CADM2: variants seen among roughly 807,000 people sequenced by gnomAD.
CADM2 encodes cell adhesion molecule 2, also known as immunoglobulin superfamily member 4D.
In CADM2, 12 loss-of-function variants were observed where a neutral mutation model predicts 49.8. The ratio of observed to expected loss-of-function variants is 0.24; its 90% CI spans 0.15 to 0.39. CADM2 has a LOEUF of 0.39. Among genes scored for constraint, CADM2 ranks in the 10% least tolerant of loss-of-function variants. CADM2 has a pLI of 1.00. For missense variants in CADM2, 378 were observed against 492.3 expected, an observed-to-expected ratio of 0.77 and a Z score of 2.20; for synonymous variants, 214 against 175.4, an observed-to-expected ratio of 1.22 and a Z score of -1.74.
intron 1 of CADM2, among the ~76,000 whole-genome samples, chr3:85,263,573 A>G (rs1576236791): frequency 6.6e-6 from 1 of 152,162 alleles, no homozygotes. Flanking sequence ...TTGTAGGATG[A>G]AAACACATCT....
chr3:86,018,050 C>T (rs1323105644), intron 8 of CADM2, among the ~76,000 whole-genome samples: 1 of 116,494 alleles, frequency 8.6e-6, no homozygotes, highest in Non-Finnish European at 1.8e-5. Flanking sequence ...ACAACAGTCC[C>T]CAGAGTGTGA....
At chr3:85,434,955 C>T (rs2036857898) in intron 1 of CADM2, among the ~76,000 whole-genome samples, 1 of 152,044 alleles carries the variant, frequency 6.6e-6, no homozygotes, top group South Asian at 2.1e-4. Flanking sequence ...ATGATTGTTG[C>T]TAACTAGTCA....
At chr3:85,990,543 T>C (rs980185690) in intron 8 of CADM2, among the ~76,000 whole-genome samples, 16 of 152,216 alleles carry the variant, frequency 1.1e-4, no homozygotes, top group African/African-American at 3.6e-4. Context: ...GGACGCATTA[T>C]GGAACTTGAT....
rs184379615 is a variant in CADM2, at chr3:85,760,352, G to A, written c.88+33804G>A. Among the ~76,000 whole-genome samples, 849 of 142,102 alleles carry A rather than the reference G, an allele frequency of 6.0e-3. 21 individuals are homozygous for A. Among genetic ancestry groups the A allele is most frequent in the Non-Finnish European group, 3.2e-3 (204 of 64,478 alleles). The allele number at this position is 142,102 out of a possible 152,430, so 93.2% of individuals were successfully genotyped here. A position where few individuals can be genotyped will look rare whatever the true frequency, so the allele number is the denominator to read the frequency against. ...AGATGGATACTTCTTTTTTTTTTTC[G>A]TTTAAGAAAATCATTTTATCTGAGC... On this transcript the variant is annotated intron_variant, in intron 2 of 9. Coordinates refer to ENST00000383699, the MANE Select transcript of CADM2 (RefSeq NM_001167675.2).
chr3:85,817,155 T>G (rs1174296166), intron 3 of CADM2, among the ~76,000 whole-genome samples: 1 of 152,180 alleles, frequency 6.6e-6, no homozygotes. Flanking sequence ...GTTATTTTAG[T>G]ACCAAAGTGT....
intron 1 of CADM2, among the ~76,000 whole-genome samples, chr3:84,973,387 T>C (rs1403767999): frequency 6.6e-6 from 1 of 152,200 alleles, no homozygotes; most frequent in Non-Finnish European, 1.5e-5. Context: ...AGAGCTCTCA[T>C]TTCCTCCAGT....
At chr3:85,917,414 T>C (rs1003719796) in intron 6 of CADM2, among the ~76,000 whole-genome samples, 22 of 138,780 alleles carry the variant, frequency 1.6e-4, no homozygotes, top group Non-Finnish European at 3.6e-4. Flanking sequence ...GCACCATTTA[T>C]TAAATAGGGA....
intron 8 of CADM2, among the ~76,000 whole-genome samples, chr3:86,064,101 A>G (rs143909933): frequency 6.6e-6 from 1 of 151,976 alleles, no homozygotes; most frequent in East Asian, 1.9e-4. Context: ...ACATGTGCAC[A>G]ATGTGCAGGT....
intron 3 of CADM2, among the ~76,000 whole-genome samples, chr3:85,869,759 C>T (rs139505558): frequency 2.0e-3 from 299 of 152,118 alleles, no homozygotes; most frequent in Non-Finnish European, 3.7e-3. Flanking sequence ...CCTGGGTTCA[C>T]GCCATTCTCT....
At chr3:85,083,698 C>T (rs2037260869) in intron 1 of CADM2, among the ~76,000 whole-genome samples, 1 of 152,016 alleles carries the variant, frequency 6.6e-6, no homozygotes, top group Non-Finnish European at 1.5e-5. Context: ...TCTCTAACTC[C>T]AGAAAATATT....
intron 2 of CADM2, among the ~76,000 whole-genome samples, chr3:85,760,239 G>A (rs2069308335): frequency 6.6e-6 from 1 of 151,920 alleles, no homozygotes; most frequent in Non-Finnish European, 1.5e-5. Context: ...TAGTTGTTAT[G>A]TTCAAAATTC....
At chr3:85,568,473 C>CTTTCTCTCTTTCTTTCTTTCTT (rs1553743643) in intron 1 of CADM2, among the ~76,000 whole-genome samples, 3 of 27,618 alleles carry the variant, frequency 1.1e-4, no homozygotes, top group African/African-American at 2.3e-4. Context: ...CTCTTTCTCT[C>CTTTCTCTCTTTCTTTCTTTCTT]TCTTTCTTTC....
At chr3:85,265,799 T>C (rs2043109705) in intron 1 of CADM2, among the ~76,000 whole-genome samples, 1 of 152,048 alleles carries the variant, frequency 6.6e-6, no homozygotes, top group South Asian at 2.1e-4. Context: ...TAGAACACTT[T>C]AAAACTTTAA....
intron 3 of CADM2, among the ~76,000 whole-genome samples, chr3:85,813,101 T>A (rs2072986837): frequency 1.3e-5 from 2 of 152,208 alleles, no homozygotes. Context: ...TATTTCTAGT[T>A]CTAGATCCTT....
intron 6 of CADM2, among the ~76,000 whole-genome samples, chr3:85,924,592 A>AAAATAAAAAAAT: frequency 6.8e-6 from 1 of 146,292 alleles, no homozygotes. Flanking sequence ...ACAACATCTA[A>AAAATAAAAAAAT]AAATAAATAA....
intron 3 of CADM2, among the ~76,000 whole-genome samples, chr3:85,857,940 G>A (rs893332838): frequency 1.3e-5 from 2 of 152,100 alleles, no homozygotes; most frequent in Non-Finnish European, 2.9e-5. Flanking sequence ...CCCTTATTTT[G>A]GGTGACTGCA....
intron 3 of CADM2, among the ~76,000 whole-genome samples, chr3:85,808,599 A>G (rs1384858137): frequency 3.9e-5 from 6 of 152,198 alleles, no homozygotes; most frequent in Non-Finnish European, 7.4e-5. Flanking sequence ...AAGCATCTCC[A>G]GGAGCCCATA....
chr3:85,879,846 G>A (rs1038101790), intron 3 of CADM2, among the ~76,000 whole-genome samples: 3 of 152,076 alleles, frequency 2.0e-5, no homozygotes, highest in African/African-American at 7.2e-5. Flanking sequence ...ATTTTTGTGT[G>A]CATATGTGTA....
intron 1 of CADM2, among the ~76,000 whole-genome samples, chr3:85,044,571 G>C (rs894680566): frequency 3.9e-5 from 6 of 152,158 alleles, no homozygotes; most frequent in Admixed American, 2.6e-4. Context: ...CTTTGATATA[G>C]ATTACATTTC....
Sources: allele counts gnomAD v4.1 joint callset (sites outside exome capture counted in the v4.1 genomes callset), GRCh38; gene constraint gnomAD v4.1.1; transcripts MANE v1.5; gene names NCBI Gene and HGNC (gene_info 2026-07-23, HGNC 2026-07-21).